CCDC40: variants seen among roughly 807,000 people sequenced by gnomAD.
CCDC40 encodes the protein coiled-coil domain 40 molecular ruler complex subunit, also known as coiled-coil domain-containing protein 40.
In CCDC40, 104 loss-of-function variants were observed where a neutral mutation model predicts 124.5. That is an observed-to-expected ratio of 0.84 (90% CI 0.71 to 0.98). CCDC40 has a LOEUF of 0.98. Ranked by LOEUF, CCDC40 falls within the 50% of genes least tolerant of loss-of-function variation. CCDC40 has a pLI of 0.00. For missense variants in CCDC40, 1,463 were observed against 1,503.9 expected (o/e 0.97, Z 0.45); for synonymous variants, 580 against 602.9 (o/e 0.96, Z 0.56).
Position 80,097,312 on chromosome 17 carries a change from T to C in CCDC40, c.3089T>C (p.Leu1030Pro). 1 of 1,613,936 alleles carries C rather than the reference T, an allele frequency of 6.2e-7. No homozygotes were observed. Among genetic ancestry groups the C allele is most frequent in the Non-Finnish European group, 8.5e-7 (1 of 1,180,010 alleles). ...EETQRNVSSS[L>P]LEKQEKLSVI... ...ACACAAAGAAATGTGAGCAGCTCCC[T>C]CCTAGAGAAGCAGGAAAAGCTGTCG... Residue 1030 changes from leucine to proline, a missense_variant, in exon 19 of 20, where the codon CTC (leucine) becomes CCC (proline). Coordinates refer to ENST00000397545, the MANE Select transcript of CCDC40 (RefSeq NM_017950.4).
rs2037801024 is a variant in CCDC40, at chr17:80,058,203, T to A, written c.1160-291T>A. Among the ~76,000 whole-genome samples, 1 of 152,194 alleles carries A rather than the reference T, an allele frequency of 6.6e-6. No homozygotes were observed. Among genetic ancestry groups the A allele is most frequent in the Admixed American group, 6.5e-5 (1 of 15,282 alleles). On this transcript the variant is annotated intron_variant, in intron 7 of 19. Transcript: ENST00000397545. The surrounding 1 kb of genome is among the most constrained non-coding windows in gnomAD (Gnocchi z 4.2). ...TACCACCTGGCACTACTTCAGTGTA[T>A]CCTTAGACTACCAGGAGGATCTCTG...
rs1202133109 is a variant in CCDC40, at chr17:80,055,999, TATATATA to T, written c.1160-2494_1160-2488del. Among the ~76,000 whole-genome samples the T allele has an allele frequency of 3.0e-3, 45 of 15,032 alleles. 3 individuals carry two copies. Among genetic ancestry groups the T allele is most frequent in the East Asian group, 0.024 (17 of 712 alleles). The allele number at this position is 15,032 out of a possible 152,430, so 9.9% of individuals were successfully genotyped here. ...TAATTTTCATATATATATATATATA[TATATATA>T]TATATATATATTTTTTTTTTTTTTT... On this transcript the variant is annotated intron_variant, in intron 7 of 19. Coordinates refer to ENST00000397545, the MANE Select transcript of CCDC40 (RefSeq NM_017950.4).
chr17:80,047,535 CTTA>C, intron 4 of CCDC40, 133 bp downstream of exon 4: 1 of 880,352 alleles, frequency 1.1e-6, no homozygotes, highest in South Asian at 1.4e-5. Context: ...AGAGAAAAAT[CTTA>C]TTAACAGATA....
intron 10 of CCDC40, among the ~76,000 whole-genome samples, chr17:80,069,880 G>C (rs140697263): frequency 6.6e-6 from 1 of 152,236 alleles, no homozygotes; most frequent in Non-Finnish European, 1.5e-5. Context: ...TTTTCCCTCA[G>C]TCCTGATGAT....
In CCDC40 at chr17:80,100,180, AGCCTGGCCCGGGAGG is replaced by A. The variant is rs2038896241; in HGVS notation, c.*406_*420del. ...TGGGAAAGTTAAGGCAGCTCCAGCC[AGCCTGGCCCGGGAGG>A]CTGGTCCCCCCAGCACTTCCCTCTA... On this transcript the variant is annotated 3_prime_UTR_variant, in exon 20 of 20. Coordinates refer to ENST00000397545, the MANE Select transcript of CCDC40 (RefSeq NM_017950.4). 3.5e-6 allele frequency: 1 copy of A among 282,296 alleles called. No homozygotes were observed. The highest frequency in any genetic ancestry group is 7.0e-6 in the Non-Finnish European group (1 of 143,814). The allele number at this position is 282,296 out of a possible 1,614,324, so 17.5% of individuals were successfully genotyped here.
chr17:80,067,646 C>T (rs1161697827), intron 10 of CCDC40: 32 of 1,536,006 alleles, frequency 2.1e-5, no homozygotes, highest in East Asian at 2.4e-5. Context: ...TCTGTTATGG[C>T]GGTGCTGCTG....
chr17:80,096,854 C>T (rs933719420), intron 18 of CCDC40, among the ~76,000 whole-genome samples: 7 of 152,244 alleles, frequency 4.6e-5, no homozygotes, highest in Admixed American at 1.3e-4. Context: ...GCCCCAGCCT[C>T]GCTCCTCCCT....
intron 9 of CCDC40, among the ~76,000 whole-genome samples, chr17:80,061,798 G>C (rs2037903914): frequency 6.6e-6 from 1 of 151,878 alleles, no homozygotes; most frequent in Middle Eastern, 3.2e-3. Context: ...ATACAGATTG[G>C]CCTTTATCTT....
chr17:80,065,043 T>C (rs1317644119), intron 9 of CCDC40, among the ~76,000 whole-genome samples: 9 of 97,920 alleles, frequency 9.2e-5, no homozygotes, highest in Middle Eastern at 5.3e-3. Flanking sequence ...CTCTCCGTCT[T>C]CCCCCTCCCC....
rs1324377823 is a variant in CCDC40, at chr17:80,086,437, G to A, written c.2449+221G>A. 9.2e-6 allele frequency: 5 copies of A among 545,720 alleles called. No homozygotes were observed. Among genetic ancestry groups the A allele is most frequent in the South Asian group, 5.9e-5 (3 of 50,644 alleles). 33.8% of individuals were successfully genotyped at this position (545,720 alleles called of 1,614,324 possible). A position where few individuals can be genotyped will look rare whatever the true frequency, so the allele number is the denominator to read the frequency against. On this transcript the variant is annotated intron_variant, in intron 14 of 19. Transcript: ENST00000397545. This position sits in a 1 kb window ranked among gnomAD's most constrained non-coding sequence, Gnocchi z 5.5. The stretch of plus-strand genomic sequence containing the variant: ...CAGCGGGAGGGTTGAGAAATGTCAC[G>A]AAATGGCTCCAAGCTCACGGACTTC...
chr17:80,050,358 C>T (rs775415374), intron 7 of CCDC40, 75 bp downstream of exon 7: 1 of 1,212,624 alleles, frequency 8.2e-7, no homozygotes, highest in Non-Finnish European at 1.2e-6. Context: ...GTACCATGGC[C>T]AGGCATCTAG....
chr17:80,037,889 A>G, intron 1 of CCDC40: 1 of 432,800 alleles, frequency 2.3e-6, no homozygotes, highest in Non-Finnish European at 4.3e-6. Flanking sequence ...TCGATGTTTT[A>G]ATAATTATAT....
At position 80,084,597 on chromosome 17, in the gene CCDC40, G is replaced by T; in HGVS notation, c.1990-146G>T. On this transcript the variant is annotated intron_variant, in intron 12 of 19. Transcript: ENST00000397545. ...CCCTTGCTGGGTCCTGGAGACAGTG[G>T]GAAATCCAGCCTCCTGCACTCGTGA... 2.1e-6 allele frequency: 2 copies of T among 936,602 alleles called. 1 individual carries two copies. The highest frequency in any genetic ancestry group is 2.9e-5 in the South Asian group (2 of 68,234). 58.0% of individuals were successfully genotyped at this position (936,602 alleles called of 1,614,324 possible).
At chr17:80,050,428 C>G (rs2037554999) in intron 7 of CCDC40, 145 bp downstream of exon 7, 1 of 693,920 alleles carries the variant, frequency 1.4e-6, no homozygotes. Flanking sequence ...GGGGAAGGCA[C>G]ATAAATCAAA....
At chr17:80,044,706 C>CA (rs72238955) in intron 3 of CCDC40, among the ~76,000 whole-genome samples, 39 of 74,098 alleles carry the variant, frequency 5.3e-4, no homozygotes, top group East Asian at 7.9e-4. Context: ...AACAAACAAA[C>CA]AAAAAAAAAA....
intron 3 of CCDC40, among the ~76,000 whole-genome samples, chr17:80,042,042 A>G (rs1315869956): frequency 6.6e-6 from 1 of 152,122 alleles, no homozygotes; most frequent in Non-Finnish European, 1.5e-5. Flanking sequence ...ACAGATTCCA[A>G]CCAGTTATTG....
intron 17 of CCDC40, chr17:80,090,207 GTGC>G: frequency 1.4e-6 from 1 of 737,716 alleles, no homozygotes; most frequent in Non-Finnish European, 2.0e-6. Context: ...ACGCAGGCAC[GTGC>G]ACGAAGAACA....
intron 10 of CCDC40, chr17:80,081,333 C>T (rs1052527342): frequency 1.4e-5 from 4 of 293,698 alleles, no homozygotes; most frequent in African/African-American, 2.3e-5. Flanking sequence ...TGCAGTGAAC[C>T]GAGATCGCAC....
At position 80,049,822 on chromosome 17, in the gene CCDC40, G is replaced by A. The variant is rs376286350; in HGVS notation, c.856-84G>A. ...AGTCGTCTCTGGCCCACCGGAGGGA[G>A]ACCTGTGGCCACCTGGGCTGAGCCC... is the stretch of plus-strand genomic sequence containing the variant. On this transcript the variant is annotated intron_variant, in intron 5 of 19. Transcript: ENST00000397545. 90 of 1,143,712 alleles carry A rather than the reference G, an allele frequency of 7.9e-5. 1 individual carries two copies. In the East Asian group the frequency reaches 1.8e-3, roughly 22 times the overall value. 70.8% of individuals were successfully genotyped at this position (1,143,712 alleles called of 1,614,324 possible). A position where few individuals can be genotyped will look rare whatever the true frequency, so the allele number is the denominator to read the frequency against.
Sources: gnomAD v4.1 joint callset for allele counts (sites outside exome capture counted in the v4.1 genomes callset) on GRCh38, gnomAD v4.1.1 for gene constraint, Gnocchi (gnomAD v3.1) non-coding constraint, MANE v1.5 for transcripts, NCBI Gene and HGNC (gene_info 2026-07-23, HGNC 2026-07-21) for gene names.